The following CACHD1 variants were observed in gnomAD, a reference collection of about 807,000 sequenced individuals.
CACHD1 encodes the protein cache domain containing 1, also known as VWFA and cache domain-containing protein 1.
In CACHD1, 71 loss-of-function variants were observed where a neutral mutation model predicts 138.7. The ratio of observed to expected loss-of-function variants is 0.51; its 90% CI spans 0.42 to 0.62. CACHD1 has a LOEUF of 0.62. CACHD1 is among the 20% of genes least tolerant of loss of function. The pLI is 0.00. For missense variants in CACHD1, 1,389 were observed against 1,625.3 expected (o/e 0.85, Z 2.50); for synonymous variants, 578 against 591.5 (o/e 0.98, Z 0.33).
At chr1:64,590,084 G>T (rs1647085776) in intron 3 of CACHD1, among the ~76,000 whole-genome samples, 1 of 152,054 alleles carries the variant, frequency 6.6e-6, no homozygotes, top group South Asian at 2.1e-4. Context: ...GAGGTGGGCG[G>T]ATCACGAGGT....
Position 64,537,299 on chromosome 1 carries a change from T to C in CACHD1, c.199-13295T>C, listed in dbSNP as rs1646640749. Among the ~76,000 whole-genome samples, 3 of 152,198 alleles carry C rather than the reference T, an allele frequency of 2.0e-5. No homozygotes were observed. The South Asian group carries it at 6.2e-4, about 32-fold the overall frequency. On this transcript the variant is annotated intron_variant, in intron 1 of 26. Transcript: ENST00000651257. ...AAATTGTTTGTTGAGCGGTGCTAGA[T>C]TGGGAGGGACCAGCACCTCTGCAAC...
chr1:64,668,827 C>A (rs1054802600), intron 16 of CACHD1, among the ~76,000 whole-genome samples: 3 of 152,126 alleles, frequency 2.0e-5, no homozygotes, highest in Non-Finnish European at 2.9e-5. Flanking sequence ...TCTTATGGTG[C>A]TCAGAGTAAC....
At chr1:64,515,270 G>T (rs60771330) in intron 1 of CACHD1, among the ~76,000 whole-genome samples, 3,783 of 152,056 alleles carry the variant, frequency 0.025, 156 homozygotes, top group African/African-American at 0.087. Flanking sequence ...AATTGCTTTG[G>T]AGTGTCCTTT....
intron 1 of CACHD1, among the ~76,000 whole-genome samples, chr1:64,529,709 G>A (rs1646566917): frequency 6.6e-6 from 1 of 152,166 alleles, no homozygotes; most frequent in Admixed American, 6.5e-5. Flanking sequence ...ATTCAGCAGA[G>A]CTGGGATTTG....
intron 1 of CACHD1, among the ~76,000 whole-genome samples, chr1:64,511,278 G>T (rs1278542276): frequency 6.6e-6 from 1 of 152,176 alleles, no homozygotes; most frequent in African/African-American, 2.4e-5. Context: ...ACGAGAGGAA[G>T]TCTTAGTACC....
Position 64,482,523 on chromosome 1 carries a change from G to C in CACHD1, c.198+11581G>C, listed in dbSNP as rs77010298. 8.7e-4 allele frequency among the ~76,000 whole-genome samples: 133 copies of C among 152,274 alleles called. 2 individuals are homozygous for C. The East Asian group carries it at 0.025, about 29-fold the overall frequency. On this transcript the variant is annotated intron_variant, in intron 1 of 26. Transcript: ENST00000651257. The stretch of plus-strand genomic sequence containing the variant: ...GGGGACTGTTAGTCACAGAGTTGTT[G>C]CTGCTGTTGTTGCTGCCCTGAGTGG...
intron 1 of CACHD1, among the ~76,000 whole-genome samples, chr1:64,511,861 A>G (rs1470209642): frequency 6.6e-6 from 1 of 152,212 alleles, no homozygotes; most frequent in African/African-American, 2.4e-5. Flanking sequence ...GGGCTTTCTC[A>G]GCTTATCAGC....
chr1:64,664,263 A>C (rs531706309), intron 14 of CACHD1: 16 of 557,480 alleles, frequency 2.9e-5, no homozygotes, highest in Non-Finnish European at 5.1e-5. Context: ...TTTTCTTCTT[A>C]AACTCAGAAA....
chr1:64,579,392 G>T (rs1006597709), intron 2 of CACHD1, among the ~76,000 whole-genome samples: 1 of 152,116 alleles, frequency 6.6e-6, no homozygotes, highest in Non-Finnish European at 1.5e-5. Context: ...AATTAAGAGT[G>T]TGTGTGTGAG....
At chr1:64,480,644 G>A (rs1313199027) in intron 1 of CACHD1, among the ~76,000 whole-genome samples, 2 of 151,724 alleles carry the variant, frequency 1.3e-5, no homozygotes, top group Non-Finnish European at 2.9e-5. Flanking sequence ...CTATCATTGC[G>A]AACCAGTACC....
At chr1:64,567,547 C>G (rs79005229) in intron 2 of CACHD1, among the ~76,000 whole-genome samples, 1 of 152,032 alleles carries the variant, frequency 6.6e-6, no homozygotes, top group South Asian at 2.1e-4. Context: ...TACAGTTCTT[C>G]GCCTCATTTT....
intron 14 of CACHD1, 52 bp downstream of exon 14, chr1:64,663,889 C>G (rs368843955): frequency 1.2e-6 from 2 of 1,608,376 alleles, no homozygotes; most frequent in South Asian, 1.1e-5. Context: ...ACAGGCCCAG[C>G]AGGGGGTGCT....
chr1:64,486,391 C>T (rs1341852243), intron 1 of CACHD1, among the ~76,000 whole-genome samples: 1 of 138,810 alleles, frequency 7.2e-6, no homozygotes, highest in African/African-American at 2.6e-5. Context: ...CACACACACA[C>T]ATACACATAC....
intron 1 of CACHD1, among the ~76,000 whole-genome samples, chr1:64,475,795 G>A (rs571197292): frequency 1.2e-3 from 185 of 152,134 alleles, no homozygotes; most frequent in African/African-American, 4.4e-3. Context: ...TGATCCACCC[G>A]CCTCGGCCTC....
intron 1 of CACHD1, among the ~76,000 whole-genome samples, chr1:64,507,878 A>G (rs965854281): frequency 3.3e-5 from 5 of 152,230 alleles, no homozygotes; most frequent in African/African-American, 1.2e-4. Flanking sequence ...TAAATCTTAA[A>G]GTAGAAAAAT....
chr1:64,682,018 G>A lies in CACHD1; in HGVS notation c.3498G>A (p.Arg1166=), dbSNP rs750811476. 1 of 1,614,100 alleles carries A rather than the reference G, an allele frequency of 6.2e-7. No homozygotes were observed. The highest frequency in any genetic ancestry group is 1.3e-5 in the African/African-American group (1 of 75,026). Residue 1166 remains arginine (R), a synonymous_variant, in exon 26 of 27, where the codon CGG becomes CGA. Coordinates refer to ENST00000651257, the MANE Select transcript of CACHD1 (RefSeq NM_020925.4). The part of the protein sequence containing the change: ...HEDRGIISNT[R]FIAAVIERHA... ...GGCTTCCTACAGTCAGCAACACTCG[G>A]TTTATAGCTGCGGTCATCGAACGAC...
intron 1 of CACHD1, among the ~76,000 whole-genome samples, chr1:64,475,028 A>G (rs1420502278): frequency 6.6e-6 from 1 of 152,248 alleles, no homozygotes; most frequent in African/African-American, 2.4e-5. Context: ...CAGCTAGAAC[A>G]GAGGCATGTT....
chr1:64,641,795 AT>A (rs1000846518), intron 7 of CACHD1, 24 bp from the exon 8 acceptor site: 1 of 1,477,300 alleles, frequency 6.8e-7, no homozygotes, highest in African/African-American at 1.5e-5. Flanking sequence ...CAAAGAGAGC[AT>A]TCAATTGATG....
chr1:64,623,088 A>G (rs1203607815), intron 4 of CACHD1, among the ~76,000 whole-genome samples: 1 of 152,204 alleles, frequency 6.6e-6, no homozygotes, highest in Non-Finnish European at 1.5e-5. Flanking sequence ...TGATGTCACA[A>G]TATTTAATTT....
Sources: gnomAD v4.1 joint callset for allele counts (sites outside exome capture counted in the v4.1 genomes callset) on GRCh38, gnomAD v4.1.1 for gene constraint, MANE v1.5 for transcripts, NCBI Gene and HGNC (gene_info 2026-07-23, HGNC 2026-07-21) for gene names.